The following ROCK1 variants were observed in gnomAD, a reference collection of about 807,000 sequenced individuals.
The protein encoded by ROCK1 is Rho associated coiled-coil containing protein kinase 1.
Under a neutral mutation model 196.8 loss-of-function variants are expected in ROCK1, and 36 were observed. That is an observed-to-expected ratio of 0.18 (90% CI 0.14 to 0.24). The LOEUF (loss-of-function observed/expected upper bound fraction) is 0.24, where lower values mean the gene tolerates loss of function less well. ROCK1 is among the 10% of genes least tolerant of loss of function. ROCK1 has a pLI of 1.00. For synonymous variants in ROCK1, 443 were observed against 515.9 expected (o/e 0.86, Z 1.91); for missense variants, 920 against 1,562.0 (o/e 0.59, Z 6.93).
At chr18:20,980,310 T>C (rs1218903192) in intron 21 of ROCK1, among the ~76,000 whole-genome samples, 7 of 152,158 alleles carry the variant, frequency 4.6e-5, no homozygotes, top group African/African-American at 1.4e-4. Flanking sequence ...GAACTACTGA[T>C]ACATACAACA....
At chr18:21,005,057 A>AT (rs1310624404) in intron 16 of ROCK1, among the ~76,000 whole-genome samples, 1 of 151,908 alleles carries the variant, frequency 6.6e-6, no homozygotes, top group African/African-American at 2.4e-5. Context: ...CCTCCCTCCA[A>AT]TTTTTTCCTG....
rs551560233 is a variant in ROCK1 at position 21,030,671 on chromosome 18, G to A, written c.1052-1736C>T. ...TTCTGCTTCTAAATTAAGATGCTTA[G>A]GCTTTATATAATGCCATTTAATCAC... is the stretch of plus-strand genomic sequence containing the variant. On this transcript the variant is annotated intron_variant, in intron 9 of 32. Transcript: ENST00000399799. Among the ~76,000 whole-genome samples the A allele has an allele frequency of 4.6e-5, 7 of 152,208 alleles. No individual in the cohort carries two copies. The South Asian group carries it at 1.0e-3, about 23-fold the overall frequency.
At chr18:20,973,333 A>G (rs769331945) in intron 22 of ROCK1, among the ~76,000 whole-genome samples, 2 of 152,058 alleles carry the variant, frequency 1.3e-5, no homozygotes, top group Non-Finnish European at 2.9e-5. Flanking sequence ...GCTGGAGTGC[A>G]ATGGCGCAAT....
In ROCK1 at chr18:21,110,764, G is replaced by A. The variant is rs996908594; in HGVS notation, c.93+54C>T. Reference sequence around the variant, plus strand: ...TGCAGCGAACCAGACTAATGCAAGAGGAAGGAAAGACATGCAAAACCCCAG... The same window carrying A: ...TGCAGCGAACCAGACTAATGCAAGAAGAAGGAAAGACATGCAAAACCCCAG... On this transcript the variant is annotated intron_variant, in intron 1 of 32. Transcript: ENST00000399799. 25 of 1,388,784 alleles carry A rather than the reference G, an allele frequency of 1.8e-5. No individual in the cohort carries two copies. The Admixed American group carries it at 4.2e-4, about 23-fold the overall frequency. The allele number at this position is 1,388,784 out of a possible 1,614,324, so 86.0% of individuals were successfully genotyped here.
At chr18:20,969,609 T>C (rs766984786) in intron 23 of ROCK1, among the ~76,000 whole-genome samples, 10 of 152,186 alleles carry the variant, frequency 6.6e-5, no homozygotes, top group Non-Finnish European at 1.3e-4. Flanking sequence ...CATTTATTTA[T>C]AGATTACTTT....
intron 1 of ROCK1, among the ~76,000 whole-genome samples, chr18:21,092,580 T>TAAAAAAAAAAAAAAAAAA (rs35799573): frequency 1.2e-5 from 1 of 81,140 alleles, no homozygotes; most frequent in African/African-American, 5.2e-5. Context: ...ACCTCATCTT[T>TAAAAAAAAAAAAAAAAAA]AAAAAAAAAA....
At chr18:21,028,663 G>T (rs2035981524) in intron 10 of ROCK1, 113 bp downstream of exon 10, 1 of 850,482 alleles carries the variant, frequency 1.2e-6, no homozygotes. Flanking sequence ...ATGAAAAATT[G>T]CATAATAAGG....
intron 9 of ROCK1, among the ~76,000 whole-genome samples, chr18:21,034,501 A>G (rs1598537159): frequency 6.6e-6 from 1 of 152,348 alleles, no homozygotes; most frequent in African/African-American, 2.4e-5. Flanking sequence ...CCTCATGTAT[A>G]TGGTTTAATG....
chr18:21,022,695 C>T (rs1423530923), intron 11 of ROCK1, among the ~76,000 whole-genome samples: 2 of 152,154 alleles, frequency 1.3e-5, no homozygotes, highest in Admixed American at 1.3e-4. Context: ...AAGATTTTCT[C>T]TCTTTGCTCC....
At chr18:21,005,911 T>C (rs547326552) in intron 16 of ROCK1, among the ~76,000 whole-genome samples, 6 of 152,256 alleles carry the variant, frequency 3.9e-5, no homozygotes, top group Admixed American at 3.3e-4. Flanking sequence ...AATGCAACCA[T>C]TTCTGGTTTC....
rs555541522 is a variant in ROCK1 at position 21,108,451 on chromosome 18, A to G, written c.93+2367T>C. On this transcript the variant is annotated intron_variant, in intron 1 of 32. Coordinates refer to ENST00000399799, the MANE Select transcript of ROCK1 (RefSeq NM_005406.3). ...TTATGAGCTCAGTTCTGTATCTCCA[A>G]CAGTCTACAGGTCATTTTCTCATGA... 6.6e-5 allele frequency among the ~76,000 whole-genome samples: 10 copies of G among 152,336 alleles called. No homozygotes were observed. In the South Asian group the frequency reaches 1.2e-3, roughly 19 times the overall value.
At chr18:20,975,424 T>C (rs543559181) in intron 22 of ROCK1, among the ~76,000 whole-genome samples, 1 of 152,276 alleles carries the variant, frequency 6.6e-6, no homozygotes, top group East Asian at 1.9e-4. Flanking sequence ...CTGTTAGATA[T>C]ACTCTGTCTC....
At chr18:20,965,879 TAC>T (rs760121255) in intron 27 of ROCK1, among the ~76,000 whole-genome samples, 8 of 152,138 alleles carry the variant, frequency 5.3e-5, no homozygotes, top group Admixed American at 1.3e-4. Context: ...TCACATAGCA[TAC>T]AGAGAGGAGC....
intron 2 of ROCK1, among the ~76,000 whole-genome samples, chr18:21,065,172 G>A (rs560707498): frequency 6.6e-5 from 10 of 152,304 alleles, no homozygotes; most frequent in African/African-American, 2.4e-4. Flanking sequence ...CATTCTAAAT[G>A]ATCATCGCTT....
At chr18:21,012,440 T>A (rs2035827155) in intron 13 of ROCK1, among the ~76,000 whole-genome samples, 1 of 152,190 alleles carries the variant, frequency 6.6e-6, no homozygotes, top group Admixed American at 6.5e-5. Flanking sequence ...TTTTTTTGTT[T>A]TTTTAGCACC....
intron 2 of ROCK1, among the ~76,000 whole-genome samples, chr18:21,063,078 A>G (rs765000572): frequency 2.6e-5 from 4 of 152,182 alleles, no homozygotes; most frequent in African/African-American, 4.8e-5. Flanking sequence ...AGGGTCATTC[A>G]ATGGTAGACA....
chr18:20,960,891 T>TA (rs2035320402), intron 27 of ROCK1, among the ~76,000 whole-genome samples: 1 of 152,172 alleles, frequency 6.6e-6, no homozygotes, highest in South Asian at 2.1e-4. Context: ...CTACTCAAAC[T>TA]AAAGAGTTTT....
At chr18:21,070,390 C>T in intron 2 of ROCK1, 142 bp downstream of exon 2, 1 of 523,698 alleles carries the variant, frequency 1.9e-6, no homozygotes, top group African/African-American at 2.0e-5. Flanking sequence ...TTGTTTCTTT[C>T]ACACTTCCTA....
chr18:20,960,335 C>T lies in ROCK1; in HGVS notation c.3353-129G>A. 4 of 614,964 alleles carry T rather than the reference C, an allele frequency of 6.5e-6. No homozygotes were observed. In the South Asian group the frequency reaches 6.7e-5, roughly 10 times the overall value. The allele number at this position is 614,964 out of a possible 1,614,324, so 38.1% of individuals were successfully genotyped here. A position where few individuals can be genotyped will look rare whatever the true frequency, so the allele number is the denominator to read the frequency against. On this transcript the variant is annotated intron_variant, in intron 27 of 32. Transcript: ENST00000399799. ...CTAAATGAATAAGTGCTATAATTTGCTCTTCCATGCTTCAATCACACAAAT... is the reference window on the plus strand; with the variant it reads ...CTAAATGAATAAGTGCTATAATTTGTTCTTCCATGCTTCAATCACACAAAT...
Sources: gnomAD v4.1 joint callset for allele counts (sites outside exome capture counted in the v4.1 genomes callset) on GRCh38, gnomAD v4.1.1 for gene constraint, MANE v1.5 for transcripts, NCBI Gene and HGNC (gene_info 2026-07-23, HGNC 2026-07-21) for gene names.